The following DLG1 variants were observed in gnomAD, a reference collection of about 807,000 sequenced individuals.
DLG1 encodes discs large MAGUK scaffold protein 1.
Under a neutral mutation model 123.4 loss-of-function variants are expected in DLG1, and 42 were observed. The ratio of observed to expected loss-of-function variants is 0.34; its 90% CI spans 0.27 to 0.44. The LOEUF is 0.44. DLG1 is among the 20% of genes least tolerant of loss of function. The probability of loss-of-function intolerance (pLI) is 1.00; values close to 1 mark genes in which losing one functional copy is unlikely to be tolerated. For missense variants in DLG1, 942 were observed against 1,082.6 expected (o/e 0.87, Z 1.82); for synonymous variants, 317 against 356.2 (o/e 0.89, Z 1.24).
At chr3:197,282,652 A>C (rs745586974) in intron 4 of DLG1, 27 bp downstream of exon 4, 8 of 1,452,958 alleles carry the variant, frequency 5.5e-6, no homozygotes, top group Non-Finnish European at 6.4e-6. Flanking sequence ...ACCAAAAAAC[A>C]GCTTCAGAAC....
chr3:197,168,439 C>A (rs547842247), intron 5 of DLG1, among the ~76,000 whole-genome samples: 276 of 152,274 alleles, frequency 1.8e-3, no homozygotes, highest in Non-Finnish European at 3.4e-3. Context: ...AAATAATAAT[C>A]AAATGAAGGC....
chr3:197,216,873 CAGAG>C (rs1260346893), intron 4 of DLG1, among the ~76,000 whole-genome samples: 6 of 152,048 alleles, frequency 3.9e-5, no homozygotes, highest in Admixed American at 2.0e-4. Context: ...AGAAAACTGA[CAGAG>C]AGATATTTTA....
At chr3:197,277,738 G>C (rs9849651) in intron 4 of DLG1, among the ~76,000 whole-genome samples, 1 of 151,818 alleles carries the variant, frequency 6.6e-6, no homozygotes, top group Non-Finnish European at 1.5e-5. Flanking sequence ...CTTTACTCTT[G>C]CTTTTTTTTA....
At chr3:197,288,752 ATACATACATAC>A (rs1773338790) in intron 3 of DLG1, among the ~76,000 whole-genome samples, 1 of 108,808 alleles carries the variant, frequency 9.2e-6, no homozygotes, top group Non-Finnish European at 2.1e-5. Flanking sequence ...AAATACATAC[ATACATACATAC>A]ATACATACAT....
intron 11 of DLG1, 138 bp from the exon 12 acceptor site, chr3:197,119,668 A>T: frequency 3.5e-6 from 3 of 855,502 alleles, no homozygotes; most frequent in Non-Finnish European, 4.9e-6. Flanking sequence ...CTCATCAGCC[A>T]AAAAACTGGA....
At chr3:197,157,617 C>T (rs1796940156) in intron 5 of DLG1, among the ~76,000 whole-genome samples, 1 of 152,124 alleles carries the variant, frequency 6.6e-6, no homozygotes, top group Non-Finnish European at 1.5e-5. Flanking sequence ...GTCAATATTA[C>T]CCAAAGCAAT....
At chr3:197,111,337 T>C (rs1351212441) in intron 13 of DLG1, among the ~76,000 whole-genome samples, 1 of 152,204 alleles carries the variant, frequency 6.6e-6, no homozygotes, top group South Asian at 2.1e-4. Context: ...ACTGTATCAA[T>C]GACCTATCTA....
In DLG1 at chr3:197,275,395, A is replaced by G. The variant is rs914642241; in HGVS notation, c.318+7284T>C. 3.3e-5 allele frequency among the ~76,000 whole-genome samples: 5 copies of G among 152,172 alleles called. No homozygotes were observed. In the South Asian group the frequency reaches 1.0e-3, roughly 32 times the overall value. ...TAATCCAGCACTCTCACTGCGAGGT[A>G]TACACCCAAAAGAAAACAAACCAGT... On this transcript the variant is annotated intron_variant, in intron 4 of 24. Transcript: ENST00000667157.
At chr3:197,068,026 G>C (rs1740948591) in intron 19 of DLG1, among the ~76,000 whole-genome samples, 1 of 152,100 alleles carries the variant, frequency 6.6e-6, no homozygotes, top group South Asian at 2.1e-4. Flanking sequence ...ATTTTACCAT[G>C]AATTTTGCAA....
At chr3:197,188,344 A>C (rs533891166) in intron 5 of DLG1, among the ~76,000 whole-genome samples, 9 of 152,150 alleles carry the variant, frequency 5.9e-5, no homozygotes, top group Non-Finnish European at 1.0e-4. Context: ...CCAAGAATTT[A>C]ATTTCTCCCT....
chr3:197,223,410 A>G (rs1476755320), intron 4 of DLG1, among the ~76,000 whole-genome samples: 2 of 152,222 alleles, frequency 1.3e-5, no homozygotes, highest in Non-Finnish European at 2.9e-5. Flanking sequence ...AATGTCTCAT[A>G]AAGAACAGAA....
intron 5 of DLG1, among the ~76,000 whole-genome samples, chr3:197,159,725 T>G (rs539311803): frequency 5.0e-4 from 76 of 152,312 alleles, no homozygotes; most frequent in Non-Finnish European, 7.8e-4. Context: ...GAAAATGAGG[T>G]GCACTCATTG....
At chr3:197,105,361 G>C (rs1765769556) in intron 13 of DLG1, among the ~76,000 whole-genome samples, 1 of 152,136 alleles carries the variant, frequency 6.6e-6, no homozygotes, top group Non-Finnish European at 1.5e-5. Flanking sequence ...CAAGCAATGG[G>C]AGGGAAAGTC....
intron 5 of DLG1, among the ~76,000 whole-genome samples, chr3:197,193,960 C>T (rs1721048330): frequency 2.0e-5 from 3 of 151,926 alleles, no homozygotes; most frequent in African/African-American, 7.3e-5. Flanking sequence ...GCTGGGACTG[C>T]AGGCATGTGT....
chr3:197,276,994 C>A (rs373395933), intron 4 of DLG1, among the ~76,000 whole-genome samples: 1 of 150,672 alleles, frequency 6.6e-6, no homozygotes, highest in South Asian at 2.1e-4. Context: ...AGGACTCAAG[C>A]GATCTTCCCA....
chr3:197,261,908 G>A (rs575659995), intron 4 of DLG1, among the ~76,000 whole-genome samples: 1 of 152,270 alleles, frequency 6.6e-6, no homozygotes, highest in Admixed American at 6.5e-5. Context: ...TTAGAATAAT[G>A]CTGACTTGTT....
At chr3:197,109,488 C>T (rs1338099042) in intron 13 of DLG1, among the ~76,000 whole-genome samples, 1 of 152,106 alleles carries the variant, frequency 6.6e-6, no homozygotes, top group East Asian at 1.9e-4. Context: ...GTAATTATTG[C>T]TTTATTCAGT....
chr3:197,082,517 A>C (rs539767862), intron 16 of DLG1, among the ~76,000 whole-genome samples: 2 of 152,340 alleles, frequency 1.3e-5, no homozygotes, highest in East Asian at 3.9e-4. Context: ...GAGCATTTAC[A>C]ACTCAACTTT....
At chr3:197,244,516 T>C (rs1380259592) in intron 4 of DLG1, among the ~76,000 whole-genome samples, 1 of 152,042 alleles carries the variant, frequency 6.6e-6, no homozygotes, top group Non-Finnish European at 1.5e-5. Context: ...GCCACTTTGG[T>C]TTTGTTACTG....
Sources: gnomAD v4.1 joint callset for allele counts (sites outside exome capture counted in the v4.1 genomes callset) on GRCh38, gnomAD v4.1.1 for gene constraint, MANE v1.5 for transcripts, NCBI Gene and HGNC (gene_info 2026-07-23, HGNC 2026-07-21) for gene names.